DHX57: variants seen among roughly 807,000 people sequenced by gnomAD.
DHX57 encodes the protein putative ATP-dependent RNA helicase DHX57.
Under a neutral mutation model 156.2 loss-of-function variants are expected in DHX57, and 105 were observed. The ratio of observed to expected loss-of-function variants is 0.67; its 90% confidence interval spans 0.57 to 0.79. The LOEUF is 0.79. Among genes scored for constraint, DHX57 ranks in the 30% least tolerant of loss-of-function variants. The probability of loss-of-function intolerance (pLI) is 0.00; values close to 1 mark genes in which losing one functional copy is unlikely to be tolerated. For synonymous variants in DHX57, 704 were observed against 595.6 expected, an observed-to-expected ratio of 1.18 and a Z score of -2.65; for missense variants, 1,847 against 1,661.9, an observed-to-expected ratio of 1.11 and a Z score of -1.94.
chr2:38,861,590 T>G lies in DHX57; in HGVS notation c.820A>C (p.Ile274Leu). The stretch of plus-strand genomic sequence containing the variant: ...GTCAGATACTCCAGTTCTAACCCAA[T>G]GGTCCAGACTCTGTTCTGAATTCTT... Reference protein sequence around the residue: ...IERIQNRVWTIGLELEYLTSR... With the variant: ...IERIQNRVWTLGLELEYLTSR... Residue 274 changes from isoleucine (I) to leucine (L), a missense_variant, in exon 5 of 24, where the codon ATT (isoleucine) becomes CTT (leucine). Physicochemically the swap from Ile to Leu is conservative, Grantham distance 5. Transcript: ENST00000457308. 7.4e-6 allele frequency: 12 copies of G among 1,614,240 alleles called. No homozygotes were observed. Among genetic ancestry groups the G allele is most frequent in the Non-Finnish European group, 1.0e-5 (12 of 1,180,044 alleles).
chr2:38,851,185 A>AC (rs1191420235), intron 9 of DHX57, among the ~76,000 whole-genome samples: 1 of 152,176 alleles, frequency 6.6e-6, no homozygotes, highest in African/African-American at 2.4e-5. Context: ...CTCTCTTTCT[A>AC]CCATATCCCT....
At chr2:38,834,840 C>T (rs767792606) in intron 13 of DHX57, among the ~76,000 whole-genome samples, 13 of 152,192 alleles carry the variant, frequency 8.5e-5, no homozygotes, top group Non-Finnish European at 1.9e-4. Context: ...GTCACTGCAG[C>T]TATGCCAGCA....
intron 12 of DHX57, among the ~76,000 whole-genome samples, chr2:38,839,177 G>T (rs1005319791): frequency 6.6e-6 from 1 of 151,434 alleles, no homozygotes; most frequent in African/African-American, 2.4e-5. Context: ...TGATCCACCC[G>T]CCTCGGCCTC....
At position 38,843,023 on chromosome 2, in the gene DHX57, G is replaced by A; in HGVS notation, c.2407C>T (p.Leu803Phe). 1.2e-6 allele frequency: 2 copies of A among 1,614,118 alleles called. No homozygotes were observed. The highest frequency in any genetic ancestry group is 1.7e-6 in the Non-Finnish European group (2 of 1,179,988). Residue 803 changes from leucine (L) to phenylalanine (F), a missense_variant, in exon 12 of 24, where the codon CTC (leucine) becomes TTC (phenylalanine). Transcript: ENST00000457308. ...ATGTTACCTTTATAGCGGGCCAGGA[G>A]CTGCTTAAAATCTAACTGTTGATCT... Reference protein sequence around the residue: ...VPDQQLDFKQLLARYKGVSKS... With the variant: ...VPDQQLDFKQFLARYKGVSKS...
At chr2:38,869,325 T>C (rs1023112280) in intron 1 of DHX57, among the ~76,000 whole-genome samples, 1 of 152,186 alleles carries the variant, frequency 6.6e-6, no homozygotes, top group African/African-American at 2.4e-5. Context: ...CTAAAGGTGC[T>C]TTCAAGAATA....
chr2:38,868,328 GCCTCCTCTT>G lies in DHX57; in HGVS notation c.69_77del (p.Gly25_Arg27del). ...CATGAGATTTACTGGCGTGACTCCTGCCTCCTCTTCCTCCTCTAGAAGACCCTTTTCCAC... is the reference window on the plus strand; with the variant it reads ...CATGAGATTTACTGGCGTGACTCCTGCCTCCTCTAGAAGACCCTTTTCCAC... On this transcript the variant is annotated inframe_deletion, in exon 2 of 24. Transcript: ENST00000457308. 6.2e-7 allele frequency: 1 copy of G among 1,613,438 alleles called. No individual in the cohort carries two copies. The highest frequency in any genetic ancestry group is 1.1e-5 in the South Asian group (1 of 91,056).
intron 22 of DHX57, among the ~76,000 whole-genome samples, chr2:38,805,646 T>C (rs1332107048): frequency 6.6e-6 from 1 of 152,072 alleles, no homozygotes; most frequent in East Asian, 1.9e-4. Flanking sequence ...AGAAAAGAAG[T>C]GGGAGTCTAT....
At chr2:38,828,318 A>G in intron 14 of DHX57, 22 bp downstream of exon 14, 2 of 1,584,186 alleles carry the variant, frequency 1.3e-6, no homozygotes, top group Non-Finnish European at 1.7e-6. Flanking sequence ...ATGATTAAGA[A>G]TATAGAAAGC....
chr2:38,870,879 A>AAAAAAAC (rs913213958), intron 1 of DHX57, among the ~76,000 whole-genome samples: 2 of 152,020 alleles, frequency 1.3e-5, no homozygotes, highest in East Asian at 3.8e-4. Flanking sequence ...ACTCCATCTC[A>AAAAAAAC]AAAAAACAAA....
At chr2:38,835,386 C>T (rs541441124) in intron 13 of DHX57, among the ~76,000 whole-genome samples, 148 of 152,280 alleles carry the variant, frequency 9.7e-4, no homozygotes, top group African/African-American at 3.4e-3. Flanking sequence ...ACACCAGCTG[C>T]CAGTGTTCTG....
At chr2:38,815,873 A>C in intron 19 of DHX57, 1 of 574,904 alleles carries the variant, frequency 1.7e-6, no homozygotes, top group African/African-American at 1.9e-5. Context: ...GTTATGCAGA[A>C]ATGCAAAAAT....
At chr2:38,867,298 T>C (rs1435807233) in intron 2 of DHX57, 1 of 152,222 alleles carries the variant, frequency 6.6e-6, no homozygotes, top group African/African-American at 2.4e-5. Context: ...AGAACACATC[T>C]CTGTCACTAA....
chr2:38,808,902 G>A (rs1670090760), intron 21 of DHX57, among the ~76,000 whole-genome samples: 1 of 151,958 alleles, frequency 6.6e-6, no homozygotes, highest in African/African-American at 2.4e-5. Context: ...GGGATTGTAG[G>A]TATAAGCCAC....
intron 23 of DHX57, among the ~76,000 whole-genome samples, chr2:38,802,203 C>G (rs1309832485): frequency 6.6e-6 from 1 of 152,020 alleles, no homozygotes; most frequent in Non-Finnish European, 1.5e-5. Flanking sequence ...TCACAGTGTG[C>G]TTTCTGGAAC....
chr2:38,848,597 T>C (rs887252398), intron 9 of DHX57, among the ~76,000 whole-genome samples, 195 bp from the exon 10 acceptor site: 1 of 152,204 alleles, frequency 6.6e-6, no homozygotes, highest in African/African-American at 2.4e-5. Flanking sequence ...TTATGTGAAA[T>C]GCTTGGAACC....
At position 38,868,203 on chromosome 2, in the gene DHX57, C is replaced by G. The variant is rs761455342; in HGVS notation, c.203G>C (p.Ser68Thr). The G allele has an allele frequency of 1.2e-6, 2 of 1,614,066 alleles. No individual in the cohort carries two copies. The highest frequency in any genetic ancestry group is 4.5e-5 in the East Asian group (2 of 44,876). The change falls in exon 2 of 24, where the codon AGT (serine) becomes ACT (threonine). Residue 68 changes from serine to threonine, a missense_variant. Coordinates refer to ENST00000457308, the MANE Select transcript of DHX57 (RefSeq NM_198963.3). ...TGACCTGGAAGGGCGCCTTGATTCA[C>G]TGAAGATACAAAAGTCATCTCCATC... is the stretch of plus-strand genomic sequence containing the variant. ...WDDGDDFCIF[S>T]ESRRPSRPSN... is the part of the protein sequence containing the mutation.
chr2:38,818,735 A>G, intron 19 of DHX57, 142 bp downstream of exon 19: 2 of 906,548 alleles, frequency 2.2e-6, no homozygotes, highest in East Asian at 2.6e-5. Flanking sequence ...GCGGGAGTCC[A>G]TTTTACACGG....
chr2:38,843,840 T>G (rs1672134554), intron 11 of DHX57, among the ~76,000 whole-genome samples: 1 of 152,210 alleles, frequency 6.6e-6, no homozygotes, highest in African/African-American at 2.4e-5. Flanking sequence ...TTCTCATGTT[T>G]TGGGAAATTG....
chr2:38,855,014 AC>A (rs759123449), intron 8 of DHX57, 42 bp downstream of exon 8: 1 of 1,613,218 alleles, frequency 6.2e-7, no homozygotes, highest in Admixed American at 1.7e-5. Context: ...ATACCTAAAA[AC>A]CATAAATTTC....
Sources: gnomAD v4.1 joint callset for allele counts (sites outside exome capture counted in the v4.1 genomes callset) on GRCh38, gnomAD v4.1.1 for gene constraint, MANE v1.5 for transcripts, NCBI Gene and HGNC (gene_info 2026-07-23, HGNC 2026-07-21) for gene names.